The following MAGI1 variants were observed in gnomAD, a reference collection of about 807,000 sequenced individuals.
MAGI1 encodes the protein membrane associated guanylate kinase, WW and PDZ domain containing 1, also known as membrane-associated guanylate kinase, WW and PDZ domain-containing protein 1.
Under a neutral mutation model 139.9 loss-of-function variants are expected in MAGI1, and 58 were observed. That is an observed-to-expected ratio of 0.41 (90% confidence interval 0.34 to 0.52). The LOEUF (loss-of-function observed/expected upper bound fraction) is 0.52, where lower values mean the gene tolerates loss of function less well. Ranked by LOEUF, MAGI1 falls within the 20% of genes least tolerant of loss-of-function variation. The probability of loss-of-function intolerance (pLI) is 0.12; values close to 1 mark genes in which losing one functional copy is unlikely to be tolerated. For missense variants in MAGI1, 1,874 were observed against 1,901.6 expected (o/e 0.99, Z 0.27); for synonymous variants, 812 against 737.9 (o/e 1.10, Z -1.63).
intron 1 of MAGI1, among the ~76,000 whole-genome samples, chr3:65,681,178 T>C (rs1405425894): frequency 6.6e-6 from 1 of 152,236 alleles, no homozygotes; most frequent in Non-Finnish European, 1.5e-5. Flanking sequence ...AATGCCATTA[T>C]ATTTACTTAA....
intron 1 of MAGI1, among the ~76,000 whole-genome samples, chr3:65,764,716 T>C (rs1052236909): frequency 4.6e-5 from 7 of 152,298 alleles, no homozygotes; most frequent in African/African-American, 1.4e-4. Flanking sequence ...TCTTTAAGCA[T>C]CTTCTTTAGA....
At chr3:66,006,728 C>T (rs2067032588) in intron 1 of MAGI1, among the ~76,000 whole-genome samples, 2 of 151,968 alleles carry the variant, frequency 1.3e-5, no homozygotes, top group Non-Finnish European at 2.9e-5. Context: ...ATAAATAAAA[C>T]AGGGGAATGG....
At chr3:65,784,522 G>T (rs1290956169) in intron 1 of MAGI1, among the ~76,000 whole-genome samples, 1 of 152,074 alleles carries the variant, frequency 6.6e-6, no homozygotes, top group Non-Finnish European at 1.5e-5. Flanking sequence ...TGAAGATCAC[G>T]GTGAAACCCT....
At chr3:65,428,661 C>A (rs1317430756) in intron 12 of MAGI1, among the ~76,000 whole-genome samples, 1 of 152,126 alleles carries the variant, frequency 6.6e-6, no homozygotes, top group Non-Finnish European at 1.5e-5. Flanking sequence ...TAACAGCTGT[C>A]CACATGCACA....
At chr3:65,454,552 TAATAA>T (rs1319512972) in intron 5 of MAGI1, among the ~76,000 whole-genome samples, 8 of 130,894 alleles carry the variant, frequency 6.1e-5, no homozygotes, top group African/African-American at 1.9e-4. Context: ...ATAATAATAA[TAATAA>T]AAAAATACTT....
chr3:65,952,502 A>C (rs979675557), intron 1 of MAGI1, among the ~76,000 whole-genome samples: 6 of 152,182 alleles, frequency 3.9e-5, no homozygotes, highest in African/African-American at 1.4e-4. Context: ...TGTGTGTGTT[A>C]GAATATTTAC....
chr3:65,858,341 T>C (rs1168225176), intron 1 of MAGI1, among the ~76,000 whole-genome samples: 1 of 152,164 alleles, frequency 6.6e-6, no homozygotes, highest in Non-Finnish European at 1.5e-5. Context: ...ATAAACATAA[T>C]GATTAGGAAA....
At chr3:65,943,655 G>GTGTA (rs549481606) in intron 1 of MAGI1, among the ~76,000 whole-genome samples, 2 of 151,534 alleles carry the variant, frequency 1.3e-5, no homozygotes, top group African/African-American at 4.8e-5. Context: ...GTGTGTGTGT[G>GTGTA]TATATATATA....
At chr3:65,557,650 C>T (rs1237954076) in intron 2 of MAGI1, among the ~76,000 whole-genome samples, 1 of 152,214 alleles carries the variant, frequency 6.6e-6, no homozygotes. Flanking sequence ...GCATATCTCA[C>T]TTGGTAATTA....
At chr3:65,373,343 T>C (rs978344689) in intron 18 of MAGI1, among the ~76,000 whole-genome samples, 2 of 152,138 alleles carry the variant, frequency 1.3e-5, no homozygotes, top group African/African-American at 4.8e-5. Context: ...TTGTTTGTCA[T>C]CTTATGTGGG....
intron 12 of MAGI1, among the ~76,000 whole-genome samples, chr3:65,423,109 C>T (rs1184512156): frequency 1.3e-5 from 2 of 152,162 alleles, no homozygotes. Context: ...GCAGTATTTG[C>T]TGATGGGAAC....
At chr3:65,772,766 G>A (rs1447821155) in intron 1 of MAGI1, among the ~76,000 whole-genome samples, 8 of 152,232 alleles carry the variant, frequency 5.3e-5, no homozygotes, top group Non-Finnish European at 1.2e-4. Context: ...GACAAGACAT[G>A]TTTCCAGGGA....
chr3:65,989,463 AGATTAGTATAAAC>A (rs1220519989), intron 1 of MAGI1, among the ~76,000 whole-genome samples: 1 of 152,190 alleles, frequency 6.6e-6, no homozygotes, highest in Admixed American at 6.5e-5. Flanking sequence ...TATAGGTCAA[AGATTAGTATAAAC>A]AGTACATGAG....
At chr3:65,859,892 T>C (rs893353424) in intron 1 of MAGI1, among the ~76,000 whole-genome samples, 1 of 4,448 alleles carries the variant, frequency 2.2e-4, no homozygotes. Flanking sequence ...GTTTTTTTGT[T>C]TGTTTTTGTT....
At chr3:65,644,357 G>A (rs556116428) in intron 1 of MAGI1, among the ~76,000 whole-genome samples, 5 of 144,532 alleles carry the variant, frequency 3.5e-5, no homozygotes, top group African/African-American at 1.3e-4. Context: ...TCCTAAAAAT[G>A]ATTCAAGGAA....
chr3:65,680,166 T>C (rs2107509010), intron 1 of MAGI1, among the ~76,000 whole-genome samples: 1 of 152,238 alleles, frequency 6.6e-6, no homozygotes, highest in East Asian at 1.9e-4. Flanking sequence ...TTCCATGACA[T>C]TAGGTAGTAT....
chr3:65,356,945 T>C lies in MAGI1; in HGVS notation c.3822A>G (p.Arg1274=), dbSNP rs1940234201. The C allele has an allele frequency of 6.2e-7, 1 of 1,614,090 alleles. No homozygotes were observed. The highest frequency in any genetic ancestry group is 1.3e-5 in the African/African-American group (1 of 74,946). The change falls in exon 23 of 23, where the codon AGA becomes AGG. Residue 1274 remains arginine (R), a synonymous_variant. Transcript: ENST00000402939. ...RDPKGSREYS[R]QPNEHHTWNG... ...TCCAGGTGTGGTGTTCATTGGGTTG[T>C]CTGCTATACTCTCTGCTGCCTTTCG...
chr3:65,786,251 CTTTTTTTTT>C (rs3077812), intron 1 of MAGI1, among the ~76,000 whole-genome samples: 1 of 114,832 alleles, frequency 8.7e-6, no homozygotes, highest in Non-Finnish European at 1.7e-5. Context: ...CCAATCATAA[CTTTTTTTTT>C]TTTTTTTTTT....
Position 65,778,437 on chromosome 3 carries a change from A to AT in MAGI1, c.314-156350_314-156349insA, listed in dbSNP as rs1425755610. 4.1e-3 allele frequency among the ~76,000 whole-genome samples: 532 copies of AT among 131,348 alleles called. 25 individuals carry two copies. The highest frequency in any genetic ancestry group is 0.012 in the African/African-American group (405 of 32,550). The allele number at this position is 131,348 out of a possible 152,430, so 86.2% of individuals were successfully genotyped here. On this transcript the variant is annotated intron_variant, in intron 1 of 22. Transcript: ENST00000402939. ...AAGAGTGAAACTCTGTCTCAAAAAAAAAAAAAATAAATAAATAAGTCTTTT... is the reference window on the plus strand; with the variant it reads ...AAGAGTGAAACTCTGTCTCAAAAAAATAAAAAAATAAATAAATAAGTCTTTT...
Sources: allele counts gnomAD v4.1 joint callset (sites outside exome capture counted in the v4.1 genomes callset), GRCh38; gene constraint gnomAD v4.1.1; transcripts MANE v1.5; gene names NCBI Gene and HGNC (gene_info 2026-07-23, HGNC 2026-07-21).